PLAUR: variants seen among roughly 807,000 people sequenced by gnomAD.
PLAUR encodes the protein plasminogen activator, urokinase receptor.
In PLAUR, 22 loss-of-function variants were observed where a neutral mutation model predicts 33.4. The ratio of observed to expected loss-of-function variants is 0.66; its 90% CI spans 0.47 to 0.94. PLAUR has a LOEUF of 0.94. Ranked by LOEUF, PLAUR falls within the 40% of genes least tolerant of loss-of-function variation. The pLI is 0.00. For missense variants in PLAUR, 408 were observed against 434.7 expected, an observed-to-expected ratio of 0.94 and a Z score of 0.55; for synonymous variants, 148 against 167.3, an observed-to-expected ratio of 0.88 and a Z score of 0.89.
At chr19:43,662,822 C>T (rs983189617) in intron 3 of PLAUR, among the ~76,000 whole-genome samples, 1 of 151,962 alleles carries the variant, frequency 6.6e-6, no homozygotes, top group African/African-American at 2.4e-5. Flanking sequence ...TATAGTGATC[C>T]TCCCGCCTCA....
chr19:43,659,956 G>A (rs779032828), intron 3 of PLAUR, among the ~76,000 whole-genome samples: 5 of 152,066 alleles, frequency 3.3e-5, no homozygotes, highest in African/African-American at 9.7e-5. Flanking sequence ...TGAATATATC[G>A]ATTGTAGCAA....
chr19:43,665,751 T>G (rs1251543146), intron 2 of PLAUR, among the ~76,000 whole-genome samples: 2 of 13,540 alleles, frequency 1.5e-4, no homozygotes, highest in Non-Finnish European at 3.4e-4. Flanking sequence ...ACTGGAGCCT[T>G]GACCTCCCAG....
At chr19:43,662,652 T>C (rs866095110) in intron 3 of PLAUR, among the ~76,000 whole-genome samples, 8 of 151,958 alleles carry the variant, frequency 5.3e-5, no homozygotes, top group African/African-American at 1.7e-4. Context: ...CTGTTTCCTT[T>C]GTCCAGCCAC....
At chr19:43,668,107 C>A (rs976501492) in intron 1 of PLAUR, 5 of 1,011,076 alleles carry the variant, frequency 4.9e-6, no homozygotes, top group Non-Finnish European at 5.9e-6. Flanking sequence ...CCTTGCCCCA[C>A]CCGCGTCGAT....
intron 3 of PLAUR, among the ~76,000 whole-genome samples, chr19:43,657,993 G>T (rs4251865): frequency 6.6e-6 from 1 of 151,436 alleles, no homozygotes; most frequent in Non-Finnish European, 1.5e-5. Flanking sequence ...GCTTGAGTCT[G>T]GGAGTTTGAG....
In PLAUR at chr19:43,665,282, T is replaced by G; in HGVS notation, c.310+34A>C. 1.9e-6 allele frequency: 3 copies of G among 1,609,404 alleles called. No homozygotes were observed. The African/African-American group carries it at 4.0e-5, about 22-fold the overall frequency. On this transcript the variant is annotated intron_variant, in intron 3 of 6. Transcript: ENST00000340093. ...TGATGAGGTTGAGCTGGGGATGGCTTGGGGTTGGGGATGGCAAGGGCTGCC... is the reference window on the plus strand; with the variant it reads ...TGATGAGGTTGAGCTGGGGATGGCTGGGGGTTGGGGATGGCAAGGGCTGCC...
chr19:43,652,472 TC>T (rs1974037210), intron 5 of PLAUR, 101 bp from the exon 6 acceptor site: 2 of 1,157,312 alleles, frequency 1.7e-6, no homozygotes, highest in Non-Finnish European at 2.5e-6. Context: ...GCCAGAGATG[TC>T]ATGGAGCCAC....
At chr19:43,657,290 C>T (rs1974253861) in intron 3 of PLAUR, among the ~76,000 whole-genome samples, 1 of 152,092 alleles carries the variant, frequency 6.6e-6, no homozygotes, top group Non-Finnish European at 1.5e-5. Flanking sequence ...TGTCTCTCCT[C>T]TGCTCAAGAC....
At chr19:43,663,684 G>A (rs886576248) in intron 3 of PLAUR, among the ~76,000 whole-genome samples, 5 of 151,972 alleles carry the variant, frequency 3.3e-5, no homozygotes, top group Non-Finnish European at 5.9e-5. Flanking sequence ...GGGAGGCTGA[G>A]GCAGAAGAAT....
At chr19:43,662,011 C>A (rs4251843) in intron 3 of PLAUR, among the ~76,000 whole-genome samples, 7,338 of 152,158 alleles carry the variant, frequency 0.048, 618 homozygotes, top group African/African-American at 0.17. Context: ...GGATTACAGG[C>A]GTGAGCCACT....
Position 43,661,104 on chromosome 19 carries a change from G to A in PLAUR, c.310+4212C>T, listed in dbSNP as rs562807970. 3 of 152,300 alleles carry A rather than the reference G, an allele frequency of 2.0e-5. No individual in the cohort carries two copies. In the East Asian group the frequency reaches 5.8e-4, roughly 29 times the overall value. The allele number at this position is 152,300 out of a possible 1,614,324, so 9.4% of individuals were successfully genotyped here. ...CTTGGACTCTCACCCTGTGCATGTAGAGCTTGCCAATGACTTGAGGGAGAT... is the reference window on the plus strand; with the variant it reads ...CTTGGACTCTCACCCTGTGCATGTAAAGCTTGCCAATGACTTGAGGGAGAT... On this transcript the variant is annotated intron_variant, in intron 3 of 6. Coordinates refer to ENST00000340093, the MANE Select transcript of PLAUR (RefSeq NM_002659.4).
At chr19:43,665,548 G>A in intron 2 of PLAUR, 89 bp from the exon 3 acceptor site, 1 of 1,363,032 alleles carries the variant, frequency 7.3e-7, no homozygotes, top group Non-Finnish European at 1.0e-6. Context: ...TCCACTCCCA[G>A]GGCTGATCTC....
intron 2 of PLAUR, among the ~76,000 whole-genome samples, chr19:43,666,304 A>G (rs1242765411): frequency 6.6e-6 from 1 of 151,626 alleles, no homozygotes; most frequent in African/African-American, 2.4e-5. Context: ...TTCCCTCTCA[A>G]CCTTAGGTTT....
intron 3 of PLAUR, among the ~76,000 whole-genome samples, chr19:43,664,548 G>A (rs962446807): frequency 5.9e-5 from 9 of 152,190 alleles, no homozygotes; most frequent in Non-Finnish European, 1.2e-4. Context: ...GGGCTCAAGC[G>A]GTTCTCCCGC....
In PLAUR at chr19:43,666,578, C is replaced by CTTTT. The variant is rs4251823; in HGVS notation, c.166+1002_166+1003insAAAA. Among the ~76,000 whole-genome samples, 919 of 131,250 alleles carry CTTTT rather than the reference C, an allele frequency of 7.0e-3. 8 individuals carry two copies. The highest frequency in any genetic ancestry group is 0.024 in the African/African-American group (874 of 35,780). 86.1% of individuals were successfully genotyped at this position (131,250 alleles called of 152,430 possible). A position where few individuals can be genotyped will look rare whatever the true frequency, so the allele number is the denominator to read the frequency against. ...CTCTCTTCCTTTCCTTTCTTTCTTT[C>CTTTT]TTTCTTGAGATGGAGTTTTGCTCTT... On this transcript the variant is annotated intron_variant, in intron 2 of 6. Coordinates refer to ENST00000340093, the MANE Select transcript of PLAUR (RefSeq NM_002659.4).
intron 3 of PLAUR, among the ~76,000 whole-genome samples, chr19:43,662,526 C>A (rs1600137059): frequency 6.6e-6 from 1 of 152,054 alleles, no homozygotes; most frequent in East Asian, 1.9e-4. Context: ...TAATTGCGAT[C>A]ATGACATTCG....
chr19:43,661,413 T>C (rs1205305570), intron 3 of PLAUR: 1 of 132,670 alleles, frequency 7.5e-6, no homozygotes, highest in African/African-American at 2.8e-5. Flanking sequence ...TTTTTTTTTT[T>C]TGAAATGGAG....
In PLAUR at chr19:43,667,600, C is replaced by A; in HGVS notation, c.147G>T (p.Thr49=). 6.2e-7 allele frequency: 1 copy of A among 1,613,420 alleles called. No homozygotes were observed. The highest frequency in any genetic ancestry group is 8.5e-7 in the Non-Finnish European group (1 of 1,179,442). The change falls in exon 2 of 7, where the codon ACG becomes ACT. Residue 49 remains threonine (T), a synonymous_variant. Coordinates refer to ENST00000340093, the MANE Select transcript of PLAUR (RefSeq NM_002659.4). ...CALGQDLCRT[T]IVRLWEEGEE... is the part of the protein sequence containing the mutation. ...GCTCACCTTCCCACAAGCGCACGAT[C>A]GTGGTCCTGCAGAGGTCCTGTCCCA... is the stretch of plus-strand genomic sequence containing the variant.
At position 43,655,438 on chromosome 19, in the gene PLAUR, C is replaced by T; in HGVS notation, c.607+1G>A. ...CCTTGCCTGTGTCTCCCGTTCCTTA[C>T]TTGGGCCCTCGTTGCATTTGGTGGT... On this transcript the variant is annotated splice_donor_variant, in intron 5 of 6. Coordinates refer to ENST00000340093, the MANE Select transcript of PLAUR (RefSeq NM_002659.4). LOFTEE classifies it high-confidence loss of function. 1 of 1,614,084 alleles carries T rather than the reference C, an allele frequency of 6.2e-7. No homozygotes were observed. Among genetic ancestry groups the T allele is most frequent in the Non-Finnish European group, 8.5e-7 (1 of 1,179,948 alleles).
Sources: gnomAD v4.1 joint callset for allele counts (sites outside exome capture counted in the v4.1 genomes callset) on GRCh38, gnomAD v4.1.1 for gene constraint, MANE v1.5 for transcripts, NCBI Gene and HGNC (gene_info 2026-07-23, HGNC 2026-07-21) for gene names.